DUSP6: variants seen among roughly 807,000 people sequenced by gnomAD.
DUSP6 encodes the protein dual specificity protein phosphatase 6.
DUSP6 carries 6 observed loss-of-function variants against 28.0 expected under a neutral mutation model. The observed-to-expected ratio is 0.21, with a 90% CI of 0.12 to 0.42. The LOEUF (loss-of-function observed/expected upper bound fraction) is 0.42. Among genes scored for constraint, DUSP6 ranks in the 10% least tolerant of loss-of-function variants. The pLI is 1.00. For synonymous variants in DUSP6, 252 were observed against 217.5 expected (o/e 1.16, Z -1.40); for missense variants, 451 against 498.1 (o/e 0.91, Z 0.90).
chr12:89,352,321 A>C lies in DUSP6; in HGVS notation c.-282T>G. The C allele has an allele frequency of 1.1e-5, 5 of 472,906 alleles. No individual in the cohort carries two copies. Among genetic ancestry groups the C allele is most frequent in the Non-Finnish European group, 1.5e-5 (4 of 262,164 alleles). 29.3% of individuals were successfully genotyped at this position (472,906 alleles called of 1,614,324 possible). A position where few individuals can be genotyped will look rare whatever the true frequency, so the allele number is the denominator to read the frequency against. On this transcript the variant is annotated 5_prime_UTR_variant, in exon 1 of 3. Transcript: ENST00000279488. Reference sequence around the variant, plus strand: ...CTCCCCAGTGAATGAAATCCAATTAATTCGGACTCCGTGCTACTGAGAGGG... The same window carrying C: ...CTCCCCAGTGAATGAAATCCAATTACTTCGGACTCCGTGCTACTGAGAGGG...
Position 89,349,454 on chromosome 12 carries a change from T to C in DUSP6, c.946A>G (p.Met316Val). The change falls in exon 3 of 3, where the codon ATG becomes GTG. Residue 316 changes from methionine (M) to valine (V), a missense_variant. By Grantham distance (21) the Met-to-Val change is conservative. Coordinates refer to ENST00000279488, the MANE Select transcript of DUSP6 (RefSeq NM_001946.4). ...TTGACAATGTCATAGGCATCGTTCA[T>C]CGACAGATTGAGCTTCTGCATAAGG... ...AYLMQKLNLS[M>V]NDAYDIVKMK... 1 of 1,614,132 alleles carries C rather than the reference T, an allele frequency of 6.2e-7. No homozygotes were observed. Among genetic ancestry groups the C allele is most frequent in the Non-Finnish European group, 8.5e-7 (1 of 1,180,016 alleles).
At position 89,352,217 on chromosome 12, in the gene DUSP6, T is replaced by C. The variant is rs865817237; in HGVS notation, c.-178A>G. On this transcript the variant is annotated 5_prime_UTR_variant, in exon 1 of 3. Coordinates refer to ENST00000279488, the MANE Select transcript of DUSP6 (RefSeq NM_001946.4). The stretch of plus-strand genomic sequence containing the variant: ...GAGACAGAAGTAAAGCCGGAGGTTC[T>C]CTCTGCACCCAGCTGCAGCCGCTGG... 4.4e-5 allele frequency: 39 copies of C among 877,430 alleles called. No homozygotes were observed. The Middle Eastern group carries it at 1.1e-3, about 24-fold the overall frequency. 54.4% of individuals were successfully genotyped at this position (877,430 alleles called of 1,614,324 possible). A position where few individuals can be genotyped will look rare whatever the true frequency, so the allele number is the denominator to read the frequency against.
chr12:89,351,714 G>C lies in DUSP6; in HGVS notation c.326C>G (p.Thr109Arg), dbSNP rs1400756720. The stretch of plus-strand genomic sequence containing the variant: ...CAGCCCGAGCACCGACTCGCCGCCC[G>C]TATTCTCGTTCCAGTCGCTGCTGCT... ...DESSSDWNEN[T>R]GGESVLGLLL... Residue 109 changes from threonine (T) to arginine (R), a missense_variant, in exon 1 of 3, where the codon ACG becomes AGG. Transcript: ENST00000279488. 2 of 1,605,832 alleles carry C rather than the reference G, an allele frequency of 1.2e-6. No homozygotes were observed. Among genetic ancestry groups the C allele is most frequent in the East Asian group, 4.5e-5 (2 of 44,478 alleles).
Position 89,352,318 on chromosome 12 carries a change from T to C in DUSP6, c.-279A>G, listed in dbSNP as rs1171301772. 4.1e-6 allele frequency: 2 copies of C among 492,366 alleles called. No individual in the cohort carries two copies. The highest frequency in any genetic ancestry group is 7.3e-6 in the Non-Finnish European group (2 of 274,656). 30.5% of individuals were successfully genotyped at this position (492,366 alleles called of 1,614,324 possible). ...TTCCTCCCCAGTGAATGAAATCCAATTAATTCGGACTCCGTGCTACTGAGA... is the reference window on the plus strand; with the variant it reads ...TTCCTCCCCAGTGAATGAAATCCAACTAATTCGGACTCCGTGCTACTGAGA... On this transcript the variant is annotated 5_prime_UTR_variant, in exon 1 of 3. Transcript: ENST00000279488.
At position 89,350,834 on chromosome 12, in the gene DUSP6, G is replaced by A; in HGVS notation, c.592C>T (p.Pro198Ser). 1.9e-6 allele frequency: 3 copies of A among 1,614,072 alleles called. No individual in the cohort carries two copies. The highest frequency in any genetic ancestry group is 2.5e-6 in the Non-Finnish European group (3 of 1,180,012). Residue 198 changes from proline (P) to serine (S), a missense_variant, in exon 2 of 3, where the codon CCG becomes TCG. Pro to Ser is a moderately conservative substitution (Grantham distance 74). Transcript: ENST00000279488. ...AAGGAAGGCTGGCTGTTGGACAGCG[G>A]ACTACCATCCGAGTCTGTTGCACTA... is the stretch of plus-strand genomic sequence containing the variant. ...PNSATDSDGS[P>S]LSNSQPSFPV...
At chr12:89,351,312 C>A in intron 1 of DUSP6, 1 of 578,086 alleles carries the variant, frequency 1.7e-6, no homozygotes, top group South Asian at 2.3e-5. Flanking sequence ...CCCCAACAAT[C>A]TCTCCCGTCC....
In DUSP6 at chr12:89,352,350, G is replaced by A. The variant is rs1879235520; in HGVS notation, c.-311C>T. The A allele has an allele frequency of 5.3e-6, 2 of 376,450 alleles. No individual in the cohort carries two copies. Among genetic ancestry groups the A allele is most frequent in the South Asian group, 3.9e-5 (1 of 25,524 alleles). The allele number at this position is 376,450 out of a possible 1,614,324, so 23.3% of individuals were successfully genotyped here. ...GGACTCCGTGCTACTGAGAGGGGAG[G>A]AAAAAAAGTCTAGCGGCTTCTAATC... On this transcript the variant is annotated 5_prime_UTR_variant, in exon 1 of 3. Transcript: ENST00000279488.
chr12:89,351,700 C>T lies in DUSP6; in HGVS notation c.340G>A (p.Val114Met), dbSNP rs2279574. Residue 114 changes from valine to methionine, a missense_variant, in exon 1 of 3, where the codon GTG (valine) becomes ATG (methionine). Val to Met is a conservative substitution (Grantham distance 21, BLOSUM62 1). This residue lies in a region of DUSP6 where 347 missense variants were observed against 346.6 expected (regional missense o/e 1.00). Transcript: ENST00000279488. Reference sequence around the variant, plus strand: ...AGCTTCTTGAGCAGCAGCCCGAGCACCGACTCGCCGCCCGTATTCTCGTTC... The same window carrying T: ...AGCTTCTTGAGCAGCAGCCCGAGCATCGACTCGCCGCCCGTATTCTCGTTC... ...DWNENTGGES[V>M]LGLLLKKLKD... The T allele has an allele frequency of 3.7e-6, 6 of 1,603,928 alleles. No individual in the cohort carries two copies. The African/African-American group carries it at 8.0e-5, about 21-fold the overall frequency.
In DUSP6 at chr12:89,350,868, T is replaced by C. The variant is rs1250971029; in HGVS notation, c.558A>G (p.Arg186=). ...CCGAGTCTGTTGCACTATTGGGGTC[T>C]CGGTCAAGGTCAGACTCGATGTCCG... ...SSSDIESDLD[R]DPNSATDSDG... The change falls in exon 2 of 3, where the codon CGA becomes CGG. Residue 186 remains arginine (R), a synonymous_variant. Transcript: ENST00000279488. 2 of 1,613,954 alleles carry C rather than the reference T, an allele frequency of 1.2e-6. No homozygotes were observed. Among genetic ancestry groups the C allele is most frequent in the Non-Finnish European group, 1.7e-6 (2 of 1,179,954 alleles).
intron 1 of DUSP6, 159 bp downstream of exon 1, chr12:89,351,481 G>C (rs1441864206): frequency 6.5e-6 from 8 of 1,234,490 alleles, no homozygotes. Context: ...CGGAACGCGC[G>C]GTTCGCGGCC....
At chr12:89,349,683 C>T in intron 2 of DUSP6, 122 bp from the exon 3 acceptor site, 2 of 691,468 alleles carry the variant, frequency 2.9e-6, no homozygotes, top group Admixed American at 5.9e-5. Flanking sequence ...GCAGTTGAGC[C>T]CTACAAGCAG....
rs1879225756 is a variant in DUSP6 at position 89,352,163 on chromosome 12, C to T, written c.-124G>A. 10 of 1,431,576 alleles carry T rather than the reference C, an allele frequency of 7.0e-6. No individual in the cohort carries two copies. The South Asian group carries it at 1.2e-4, about 17-fold the overall frequency. The allele number at this position is 1,431,576 out of a possible 1,614,324, so 88.7% of individuals were successfully genotyped here. On this transcript the variant is annotated 5_prime_UTR_variant, in exon 1 of 3. Transcript: ENST00000279488. ...GGGGTTTAATTCCGCCTCGCCTTAC[C>T]CAAGCCGAGGCTAGCGGTTGGGGCA...
chr12:89,349,701 TG>T, intron 2 of DUSP6, 140 bp from the exon 3 acceptor site: 1 of 621,558 alleles, frequency 1.6e-6, no homozygotes, highest in Non-Finnish European at 2.8e-6. Flanking sequence ...CAGCAGAAAA[TG>T]TATCACTGAA....
At position 89,349,416 on chromosome 12, in the gene DUSP6, G is replaced by C; in HGVS notation, c.984C>G (p.Ser328=). The C allele has an allele frequency of 6.2e-7, 1 of 1,614,124 alleles. No individual in the cohort carries two copies. The highest frequency in any genetic ancestry group is 8.5e-7 in the Non-Finnish European group (1 of 1,180,038). The change falls in exon 3 of 3, where the codon TCC becomes TCG. Residue 328 remains serine, a synonymous_variant. Coordinates refer to ENST00000279488, the MANE Select transcript of DUSP6 (RefSeq NM_001946.4). ...DAYDIVKMKK[S]NISPNFNFMG... ...TGAAGTTGAAGTTAGGGGATATGTT[G>C]GATTTTTTCATTTTGACAATGTCAT...
Position 89,350,925 on chromosome 12 carries a change from G to A in DUSP6, c.501C>T (p.Leu167=). The A allele has an allele frequency of 6.2e-7, 1 of 1,613,738 alleles. No homozygotes were observed. The highest frequency in any genetic ancestry group is 8.5e-7 in the Non-Finnish European group (1 of 1,179,918). ...AGTCAGAGCTGATCCGCAGGCCCCC[G>A]AGCCCCAGCACTGGCAACGGCGGCG... is the stretch of plus-strand genomic sequence containing the variant. ...SSSPPLPVLG[L]GGLRISSDSS... The change falls in exon 2 of 3, where the codon CTC becomes CTT. Residue 167 remains leucine, a synonymous_variant. Coordinates refer to ENST00000279488, the MANE Select transcript of DUSP6 (RefSeq NM_001946.4).
chr12:89,350,491 A>C, intron 2 of DUSP6, 97 bp downstream of exon 2: 1 of 1,264,934 alleles, frequency 7.9e-7, no homozygotes. Flanking sequence ...AGTCAGACAA[A>C]TTAGCAAGCA....
rs561393208 is a variant in DUSP6 at position 89,350,859 on chromosome 12, A to G, written c.567T>C (p.Asn189=). ...DIESDLDRDP[N]SATDSDGSPL... is the part of the protein sequence containing the mutation. ...GACTACCATCCGAGTCTGTTGCACT[A>G]TTGGGGTCTCGGTCAAGGTCAGACT... The change falls in exon 2 of 3, where the codon AAT becomes AAC. Residue 189 remains asparagine (N), a synonymous_variant. Coordinates refer to ENST00000279488, the MANE Select transcript of DUSP6 (RefSeq NM_001946.4). 3.1e-6 allele frequency: 5 copies of G among 1,614,012 alleles called. No homozygotes were observed. The highest frequency in any genetic ancestry group is 4.2e-6 in the Non-Finnish European group (5 of 1,179,974).
chr12:89,349,730 G>A (rs778526941), intron 2 of DUSP6, among the ~76,000 whole-genome samples, 169 bp from the exon 3 acceptor site: 3 of 152,134 alleles, frequency 2.0e-5, no homozygotes, highest in Admixed American at 6.5e-5. Flanking sequence ...ATGTACACTG[G>A]ACACAATTAC....
chr12:89,351,568 C>G, intron 1 of DUSP6, 72 bp downstream of exon 1: 1 of 1,475,194 alleles, frequency 6.8e-7, no homozygotes, highest in Non-Finnish European at 9.0e-7. Flanking sequence ...GAGGTATTTT[C>G]AATCCACGCG....
Sources: allele counts gnomAD v4.1 joint callset (sites outside exome capture counted in the v4.1 genomes callset), GRCh38; gene constraint gnomAD v4.1.1; regional missense constraint gnomAD v4.1.1; transcripts MANE v1.5; gene names NCBI Gene and HGNC (gene_info 2026-07-23, HGNC 2026-07-21).